ZNF346: variants seen among roughly 807,000 people sequenced by gnomAD.
ZNF346 encodes the protein zinc finger protein 346.
Under a neutral mutation model 33.7 loss-of-function variants are expected in ZNF346, and 23 were observed. The observed-to-expected ratio is 0.68, with a 90% CI of 0.49 to 0.97. The LOEUF (loss-of-function observed/expected upper bound fraction) is 0.97, where lower values mean the gene tolerates loss of function less well. Among genes scored for constraint, ZNF346 ranks in the 50% least tolerant of loss-of-function variants. ZNF346 has a pLI of 0.00. For synonymous variants in ZNF346, 134 were observed against 142.4 expected, an observed-to-expected ratio of 0.94 and a Z score of 0.42; for missense variants, 340 against 371.1, an observed-to-expected ratio of 0.92 and a Z score of 0.69.
At chr5:177,068,638 G>A (rs1490899427), downstream of ZNF346, among the ~76,000 whole-genome samples, 3 of 143,490 alleles carry the variant, frequency 2.1e-5, no homozygotes, top group Non-Finnish European at 4.4e-5. Flanking sequence ...AATCATTGTG[G>A]CTAGGGGAAA....
chr5:177,030,238 A>G (rs1340563865), intron 1 of ZNF346, among the ~76,000 whole-genome samples: 1 of 152,038 alleles, frequency 6.6e-6, no homozygotes, highest in East Asian at 1.9e-4. Context: ...ATATTTGAGG[A>G]TTTCCCAGAT....
intron 5 of ZNF346, among the ~76,000 whole-genome samples, chr5:177,056,732 A>G (rs1273730496): frequency 7.6e-6 from 1 of 131,012 alleles, no homozygotes; most frequent in African/African-American, 2.9e-5. Flanking sequence ...ACTTGGACAC[A>G]GGGTGGGGAA....
At chr5:177,052,482 C>CA (rs369967648) in intron 5 of ZNF346, 18,000 of 114,510 alleles carry the variant, frequency 0.16, 1,288 homozygotes, top group Non-Finnish European at 0.21. Flanking sequence ...CAAGCCCAGC[C>CA]AAAAAAAAAA....
In ZNF346 at chr5:177,066,520, A is replaced by G. The variant is rs1245227862; in HGVS notation, c.*1921A>G. On this transcript the variant is annotated 3_prime_UTR_variant, in exon 7 of 7. Coordinates refer to ENST00000358149, the MANE Select transcript of ZNF346 (RefSeq NM_012279.4). ...ATAGGTTTGTTCCATGGGACTTATCATAGGCCTGGTGATTCTTGAAAGAGC... is the reference window on the plus strand; with the variant it reads ...ATAGGTTTGTTCCATGGGACTTATCGTAGGCCTGGTGATTCTTGAAAGAGC... Among the ~76,000 whole-genome samples, 1 of 152,118 alleles carries G rather than the reference A, an allele frequency of 6.6e-6. No homozygotes were observed. Among genetic ancestry groups the G allele is most frequent in the East Asian group, 1.9e-4 (1 of 5,178 alleles).
Position 177,067,287 on chromosome 5 carries a change from T to C in ZNF346, c.*2688T>C, listed in dbSNP as rs1783259077. 6.6e-6 allele frequency among the ~76,000 whole-genome samples: 1 copy of C among 152,180 alleles called. No homozygotes were observed. The highest frequency in any genetic ancestry group is 6.6e-5 in the Admixed American group (1 of 15,266). On this transcript the variant is annotated 3_prime_UTR_variant, in exon 7 of 7. Transcript: ENST00000358149. ...AATTTAAAAAAAGAAAGGAATGTTA[T>C]GGCCTCAAGAGCTCTTTGTCCATCC...
chr5:177,048,366 A>G (rs1581885891), intron 4 of ZNF346, among the ~76,000 whole-genome samples: 1 of 152,234 alleles, frequency 6.6e-6, no homozygotes, highest in Admixed American at 6.5e-5. Context: ...TCACGCCTGT[A>G]ATTCCAGCAC....
chr5:177,069,056 T>C (rs1387659067), downstream of ZNF346, among the ~76,000 whole-genome samples: 1 of 143,494 alleles, frequency 7.0e-6, no homozygotes, highest in Non-Finnish European at 1.5e-5. Context: ...TCGATCATTA[T>C]AGATTAGTTT....
chr5:177,026,352 A>AC (rs1294141754), intron 1 of ZNF346, among the ~76,000 whole-genome samples: 3 of 101,900 alleles, frequency 2.9e-5, no homozygotes, highest in African/African-American at 1.3e-4. Flanking sequence ...TGGATTGGTA[A>AC]TTTTTTTTTT....
intron 1 of ZNF346, among the ~76,000 whole-genome samples, chr5:177,040,059 T>C (rs950791862): frequency 1.3e-5 from 2 of 151,670 alleles, no homozygotes; most frequent in East Asian, 3.9e-4. Flanking sequence ...TGGGTGCCTG[T>C]AATCCCAACT....
downstream of ZNF346, among the ~76,000 whole-genome samples, chr5:177,070,555 G>A (rs1783453766): frequency 6.6e-6 from 1 of 152,066 alleles, no homozygotes. Flanking sequence ...GCCTCGGGGT[G>A]GAACATTAGT....
chr5:177,026,878 G>A (rs1776857392), intron 1 of ZNF346, among the ~76,000 whole-genome samples: 1 of 152,152 alleles, frequency 6.6e-6, no homozygotes, highest in African/African-American at 2.4e-5. Context: ...TAGGATGTAG[G>A]ATATAGCGTC....
intron 8 of ZNF346, among the ~76,000 whole-genome samples, chr5:177,076,826 AG>A (rs1163472721): frequency 2.0e-5 from 3 of 152,182 alleles, no homozygotes; most frequent in Non-Finnish European, 4.4e-5. Flanking sequence ...GGATCATTTG[AG>A]GTCAGGAGTT....
chr5:177,034,082 C>T (rs1452752959), intron 1 of ZNF346, among the ~76,000 whole-genome samples: 1 of 152,078 alleles, frequency 6.6e-6, no homozygotes, highest in Non-Finnish European at 1.5e-5. Flanking sequence ...TGGGGTTTCA[C>T]CATGTTGTCT....
chr5:177,070,836 C>T (rs190386187), downstream of ZNF346, among the ~76,000 whole-genome samples: 22 of 152,102 alleles, frequency 1.4e-4, no homozygotes, highest in East Asian at 4.1e-3. Context: ...TGGGGCCCAG[C>T]GAAAAGTCAC....
In ZNF346 at chr5:177,024,157, T is replaced by TACACACACACAC. The variant is rs144403449; in HGVS notation, c.175+1255_175+1266dup. 1.6e-3 allele frequency among the ~76,000 whole-genome samples: 197 copies of TACACACACACAC among 121,358 alleles called. 1 individual carries two copies. The highest frequency in any genetic ancestry group is 5.3e-3 in the African/African-American group (167 of 31,408). 79.6% of individuals were successfully genotyped at this position (121,358 alleles called of 152,430 possible). Reference sequence around the variant, plus strand: ...TATACACTTGTAAGTATTTTATGTATACACACACACACACACACACACTAT... The same window carrying TACACACACACAC: ...TATACACTTGTAAGTATTTTATGTATACACACACACACACACACACACACACACACACACTAT... On this transcript the variant is annotated intron_variant, in intron 1 of 6. Transcript: ENST00000358149.
At chr5:177,079,524 T>C (rs1783900057) in exon 9 of ZNF346, 1 of 152,118 alleles carries the variant, frequency 6.6e-6, no homozygotes. Flanking sequence ...CTTGCGACCA[T>C]GAGAGAAAAA....
intron 1 of ZNF346, among the ~76,000 whole-genome samples, chr5:177,023,757 C>G (rs1375889498): frequency 6.6e-6 from 1 of 152,162 alleles, no homozygotes; most frequent in South Asian, 2.1e-4. Flanking sequence ...ATCTGGGCTT[C>G]TCTGCTAACC....
chr5:177,053,700 A>G (rs1418233025), intron 5 of ZNF346, among the ~76,000 whole-genome samples: 2 of 152,154 alleles, frequency 1.3e-5, no homozygotes, highest in Non-Finnish European at 2.9e-5. Flanking sequence ...ATTGGGAGAA[A>G]ATATTTGCTG....
chr5:177,078,605 AC>A (rs946394149), intron 8 of ZNF346, among the ~76,000 whole-genome samples: 3 of 151,972 alleles, frequency 2.0e-5, no homozygotes, highest in African/African-American at 7.3e-5. Context: ...ATGTAACAAG[AC>A]CCCGTCTCTA....
Sources: gnomAD v4.1 joint callset for allele counts (sites outside exome capture counted in the v4.1 genomes callset) on GRCh38, gnomAD v4.1.1 for gene constraint, MANE v1.5 for transcripts, NCBI Gene and HGNC (gene_info 2026-07-23, HGNC 2026-07-21) for gene names.